Variants in IFT88 observed in about 807,000 individuals in gnomAD.
IFT88 encodes intraflagellar transport protein 88 homolog.
IFT88 carries 74 observed loss-of-function variants against 119.5 expected under a neutral mutation model. The ratio of observed to expected loss-of-function variants is 0.62; its 90% confidence interval spans 0.51 to 0.75. IFT88 has a LOEUF of 0.75. IFT88 is among the 30% of genes least tolerant of loss of function. IFT88 has a pLI of 0.00. For synonymous variants in IFT88, 279 were observed against 316.7 expected (o/e 0.88, Z 1.26); for missense variants, 961 against 977.7 (o/e 0.98, Z 0.23).
chr13:20,672,263 G>A (rs746944597), intron 24 of IFT88, among the ~76,000 whole-genome samples: 62 of 152,238 alleles, frequency 4.1e-4, no homozygotes, highest in Non-Finnish European at 6.8e-4. Context: ...GTTCTAGCCA[G>A]GCCACTTGAT....
Position 20,674,916 on chromosome 13 carries a change from T to C in IFT88, c.2242+3877T>C, listed in dbSNP as rs528876173. The stretch of plus-strand genomic sequence containing the variant: ...TTTTAGTAGAGATGGGGTTTCACCA[T>C]GTTAGCCGGGATGGTCTCGATCTCC... On this transcript the variant is annotated intron_variant, in intron 24 of 25. Coordinates refer to ENST00000351808, the MANE Select transcript of IFT88 (RefSeq NM_006531.5). Among the ~76,000 whole-genome samples, 100 of 151,690 alleles carry C rather than the reference T, an allele frequency of 6.6e-4. 2 individuals carry two copies. The South Asian group carries it at 0.02, about 31-fold the overall frequency.
intron 16 of IFT88, chr13:20,631,836 G>A (rs2048251848): frequency 6.6e-6 from 1 of 152,060 alleles, no homozygotes; most frequent in Non-Finnish European, 1.5e-5. Context: ...TTTCTGGTAG[G>A]CTTTTTCTGA....
chr13:20,592,204 TAATA>T, intron 6 of IFT88, 127 bp from the exon 7 acceptor site: 1 of 692,454 alleles, frequency 1.4e-6, no homozygotes, highest in South Asian at 1.8e-5. Context: ...TATCTCCATT[TAATA>T]AATAGATAAT....
chr13:20,627,718 G>A (rs527559051), intron 15 of IFT88, among the ~76,000 whole-genome samples: 20 of 118,676 alleles, frequency 1.7e-4, no homozygotes, highest in Non-Finnish European at 2.9e-4. Flanking sequence ...GTGACAGAGC[G>A]AGACTTCATC....
At chr13:20,681,474 C>T (rs986995200) in intron 24 of IFT88, among the ~76,000 whole-genome samples, 1 of 152,246 alleles carries the variant, frequency 6.6e-6, no homozygotes, top group Admixed American at 6.5e-5. Context: ...ATAGCTTTAG[C>T]TTCTTTCCAG....
chr13:20,606,955 T>G (rs2043583032), intron 13 of IFT88, among the ~76,000 whole-genome samples: 1 of 152,196 alleles, frequency 6.6e-6, no homozygotes, highest in African/African-American at 2.4e-5. Context: ...ATGATGCTTT[T>G]AAAACTCTGA....
intron 1 of IFT88, among the ~76,000 whole-genome samples, chr13:20,568,938 T>C (rs1431416212): frequency 6.6e-6 from 1 of 152,068 alleles, no homozygotes; most frequent in Non-Finnish European, 1.5e-5. Flanking sequence ...GCCAGGATGG[T>C]CTCGATCTCC....
chr13:20,590,860 T>C (rs1243221211), intron 4 of IFT88, 107 bp from the exon 5 acceptor site: 1 of 750,960 alleles, frequency 1.3e-6, no homozygotes, highest in Non-Finnish European at 2.3e-6. Context: ...GAATAAATTA[T>C]GTTTGTTTAT....
chr13:20,585,794 A>C (rs1022447861), intron 3 of IFT88, among the ~76,000 whole-genome samples: 10 of 152,244 alleles, frequency 6.6e-5, no homozygotes, highest in Non-Finnish European at 1.5e-4. Context: ...TTCACTACAC[A>C]TTCTAAAACC....
chr13:20,641,229 TAAATA>T, intron 17 of IFT88, 56 bp from the exon 18 acceptor site: 1 of 864,728 alleles, frequency 1.2e-6, no homozygotes, highest in Non-Finnish European at 1.8e-6. Flanking sequence ...TCTGTTATGT[TAAATA>T]AATTAATACC....
Position 20,607,439 on chromosome 13 carries a change from G to A in IFT88, c.1112+2334G>A, listed in dbSNP as rs1030267643. The A allele has an allele frequency of 1.0e-4, 67 of 661,512 alleles. 2 individuals carry two copies. The highest frequency in any genetic ancestry group is 5.4e-4 in the Middle Eastern group (2 of 3,732). 41.0% of individuals were successfully genotyped at this position (661,512 alleles called of 1,614,324 possible). ...CATTATAAAGAAGCAGAGCAACAAG[G>A]TGTACTTGTCACTCATCCCCATCAT... On this transcript the variant is annotated intron_variant, in intron 13 of 25. Coordinates refer to ENST00000351808, the MANE Select transcript of IFT88 (RefSeq NM_006531.5).
chr13:20,666,917 A>C (rs2054801235), intron 23 of IFT88, among the ~76,000 whole-genome samples: 1 of 152,224 alleles, frequency 6.6e-6, no homozygotes, highest in Non-Finnish European at 1.5e-5. Context: ...ACATATATCA[A>C]CACATATATT....
Position 20,593,803 on chromosome 13 carries a change from C to G in IFT88, c.398+1399C>G, listed in dbSNP as rs574017740. On this transcript the variant is annotated intron_variant, in intron 7 of 25. Coordinates refer to ENST00000351808, the MANE Select transcript of IFT88 (RefSeq NM_006531.5). ...GGTGGCTCATGCCTATAATCTCAGC[C>G]TTTTGGGAGGCCAAGGTGAGAGGAT... is the stretch of plus-strand genomic sequence containing the variant. Among the ~76,000 whole-genome samples, 241 of 152,072 alleles carry G rather than the reference C, an allele frequency of 1.6e-3. 2 individuals are homozygous for G. Among genetic ancestry groups the G allele is most frequent in the Non-Finnish European group, 2.0e-3 (135 of 67,974 alleles).
chr13:20,650,340 T>C (rs777167446), intron 20 of IFT88, among the ~76,000 whole-genome samples: 3 of 152,168 alleles, frequency 2.0e-5, no homozygotes, highest in Admixed American at 6.6e-5. Flanking sequence ...GTCAATTTAA[T>C]ACTTCACATT....
intron 2 of IFT88, among the ~76,000 whole-genome samples, chr13:20,577,638 C>T (rs369504068): frequency 3.3e-5 from 5 of 151,994 alleles, no homozygotes; most frequent in East Asian, 3.9e-4. Context: ...TTTATTCTGT[C>T]GATATGATGT....
At chr13:20,597,921 G>A (rs931575664) in intron 9 of IFT88, among the ~76,000 whole-genome samples, 1 of 151,748 alleles carries the variant, frequency 6.6e-6, no homozygotes, top group South Asian at 2.1e-4. Flanking sequence ...AGAACTTTAG[G>A]CATATAAAAT....
Position 20,612,534 on chromosome 13 carries a change from C to T in IFT88, c.1113-3259C>T, listed in dbSNP as rs117542163. Among the ~76,000 whole-genome samples the T allele has an allele frequency of 9.1e-4, 139 of 152,240 alleles. 1 individual carries two copies. Among genetic ancestry groups the T allele is most frequent in the Middle Eastern group, 6.8e-3 (2 of 294 alleles). On this transcript the variant is annotated intron_variant, in intron 13 of 25. Transcript: ENST00000351808. Reference sequence around the variant, plus strand: ...TATGTCGTATTTTTATGGATAGGCACTTAATGTTATTAAAATGGCAGTGCT... The same window carrying T: ...TATGTCGTATTTTTATGGATAGGCATTTAATGTTATTAAAATGGCAGTGCT...
chr13:20,607,730 T>G (rs2043759551), intron 13 of IFT88: 12 of 759,072 alleles, frequency 1.6e-5, no homozygotes, highest in Non-Finnish European at 2.9e-5. Context: ...CTTCTGGCTG[T>G]CAGCGGCTTC....
intron 24 of IFT88, among the ~76,000 whole-genome samples, chr13:20,688,309 C>T (rs140683717): frequency 6.6e-6 from 1 of 152,136 alleles, no homozygotes. Flanking sequence ...ATCACACCAT[C>T]GCACTCCAGC....
Sources: gnomAD v4.1 joint callset for allele counts (sites outside exome capture counted in the v4.1 genomes callset) on GRCh38, gnomAD v4.1.1 for gene constraint, MANE v1.5 for transcripts, NCBI Gene and HGNC (gene_info 2026-07-23, HGNC 2026-07-21) for gene names.